The following AUTS2 variants were observed in gnomAD, a reference collection of about 807,000 sequenced individuals.
AUTS2 encodes the protein autism susceptibility gene 2 protein.
In AUTS2, 17 loss-of-function variants were observed where a neutral mutation model predicts 112.4. The observed-to-expected ratio is 0.15, with a 90% CI of 0.10 to 0.23. AUTS2 has a LOEUF of 0.23. AUTS2 is among the 10% of genes least tolerant of loss of function. The probability of loss-of-function intolerance (pLI) is 1.00; values close to 1 mark genes in which losing one functional copy is unlikely to be tolerated. For synonymous variants in AUTS2, 751 were observed against 702.7 expected (o/e 1.07, Z -1.09); for missense variants, 1,510 against 1,701.6 (o/e 0.89, Z 1.98).
intron 1 of AUTS2, among the ~76,000 whole-genome samples, chr7:69,774,367 T>C (rs1260697170): frequency 6.6e-6 from 1 of 152,172 alleles, no homozygotes; most frequent in Admixed American, 6.5e-5. Flanking sequence ...GCCACTGTAC[T>C]CCAGCCTGGG....
At chr7:70,695,270 C>T (rs1809019672) in intron 5 of AUTS2, among the ~76,000 whole-genome samples, 1 of 152,172 alleles carries the variant, frequency 6.6e-6, no homozygotes, top group Non-Finnish European at 1.5e-5. Flanking sequence ...CCTCCCTCGG[C>T]CGGCCGGGCT....
At chr7:70,600,558 G>A (rs1319615153) in intron 5 of AUTS2, among the ~76,000 whole-genome samples, 4 of 152,294 alleles carry the variant, frequency 2.6e-5, no homozygotes, top group African/African-American at 7.2e-5. Flanking sequence ...TTACAGGCAC[G>A]GGCCACCGCG....
At chr7:70,473,516 G>A (rs931590886) in intron 5 of AUTS2, among the ~76,000 whole-genome samples, 4 of 152,054 alleles carry the variant, frequency 2.6e-5, no homozygotes, top group Admixed American at 1.3e-4. Context: ...GTGATATTTC[G>A]TTTTGATTTT....
intron 1 of AUTS2, among the ~76,000 whole-genome samples, chr7:69,884,829 CA>C (rs1443979038): frequency 2.0e-5 from 3 of 152,224 alleles, no homozygotes; most frequent in Non-Finnish European, 4.4e-5. Flanking sequence ...TTTCTTGCCT[CA>C]ACCGTAATTG....
intron 6 of AUTS2, among the ~76,000 whole-genome samples, chr7:70,757,807 C>CTTTT (rs3974412): frequency 0.036 from 2,182 of 60,058 alleles, 92 homozygotes; most frequent in East Asian, 0.041. Context: ...TCCATGGCTT[C>CTTTT]TTTTTTTTTT....
At chr7:69,688,456 C>T (rs1797157339) in intron 1 of AUTS2, among the ~76,000 whole-genome samples, 1 of 152,126 alleles carries the variant, frequency 6.6e-6, no homozygotes, top group Admixed American at 6.6e-5. Context: ...ATATATTCTG[C>T]CCTTGGGAAG....
intron 5 of AUTS2, among the ~76,000 whole-genome samples, chr7:70,589,695 T>C (rs1052875649): frequency 1.3e-5 from 2 of 152,086 alleles, no homozygotes; most frequent in African/African-American, 2.4e-5. Context: ...GCCTGGGTGA[T>C]AGAATGAAAC....
At chr7:70,520,978 T>C (rs937627818) in intron 5 of AUTS2, among the ~76,000 whole-genome samples, 1 of 152,170 alleles carries the variant, frequency 6.6e-6, no homozygotes, top group African/African-American at 2.4e-5. Flanking sequence ...TTGCATTGGT[T>C]CATATTCTTT....
intron 5 of AUTS2, among the ~76,000 whole-genome samples, chr7:70,635,094 A>G (rs777288041): frequency 3.9e-5 from 6 of 152,160 alleles, no homozygotes; most frequent in Non-Finnish European, 8.8e-5. Context: ...CGAGTGCCTT[A>G]TGAATTCCAC....
At chr7:70,360,177 G>C (rs12698900) in intron 4 of AUTS2, among the ~76,000 whole-genome samples, 12,737 of 152,196 alleles carry the variant, frequency 0.084, 647 homozygotes, top group Admixed American at 0.13. Context: ...ACCCAGGCTG[G>C]AGTGCAGTGG....
intron 5 of AUTS2, among the ~76,000 whole-genome samples, chr7:70,634,228 TAGG>T (rs2129538945): frequency 1.3e-5 from 2 of 152,104 alleles, no homozygotes; most frequent in South Asian, 4.2e-4. Context: ...CCATTTGAAA[TAGG>T]AGGACAGGAG....
In AUTS2 at chr7:70,484,824, C is replaced by T. The variant is rs1797922308; in HGVS notation, c.690+49043C>T. 2.0e-5 allele frequency among the ~76,000 whole-genome samples: 3 copies of T among 152,140 alleles called. No homozygotes were observed. In the South Asian group the frequency reaches 6.2e-4, roughly 32 times the overall value. ...CAAACGTTTGTCAAAAGAAGTACCT[C>T]TGGACATAGACAGTTCTCAAAAAAG... On this transcript the variant is annotated intron_variant, in intron 5 of 18. Coordinates refer to ENST00000342771, the MANE Select transcript of AUTS2 (RefSeq NM_015570.4).
chr7:70,105,573 A>G (rs1222294627), intron 2 of AUTS2, among the ~76,000 whole-genome samples: 1 of 152,156 alleles, frequency 6.6e-6, no homozygotes, highest in Non-Finnish European at 1.5e-5. Flanking sequence ...TGTTTTATGT[A>G]GTGGGCATAT....
chr7:69,813,474 T>C (rs984210946), intron 1 of AUTS2, among the ~76,000 whole-genome samples: 1 of 152,188 alleles, frequency 6.6e-6, no homozygotes, highest in Admixed American at 6.5e-5. Context: ...TGCCCCCCAT[T>C]GGATAGATGG....
intron 4 of AUTS2, among the ~76,000 whole-genome samples, chr7:70,318,450 G>A (rs144519255): frequency 3.5e-4 from 53 of 151,870 alleles, no homozygotes; most frequent in African/African-American, 1.2e-3. Context: ...ACAGTATAGC[G>A]GCCCACCGAT....
At chr7:69,792,651 C>T (rs560471369) in intron 1 of AUTS2, among the ~76,000 whole-genome samples, 19 of 152,260 alleles carry the variant, frequency 1.2e-4, no homozygotes, top group African/African-American at 3.8e-4. Context: ...TTTGATACAG[C>T]AGTGCAGAGT....
intron 6 of AUTS2, among the ~76,000 whole-genome samples, chr7:70,761,577 A>G (rs1390407140): frequency 6.6e-6 from 1 of 152,242 alleles, no homozygotes; most frequent in Non-Finnish European, 1.5e-5. Context: ...ATACAAAAGT[A>G]CTTACTCCCA....
At chr7:69,743,092 G>T (rs1398791802) in intron 1 of AUTS2, among the ~76,000 whole-genome samples, 1 of 152,176 alleles carries the variant, frequency 6.6e-6, no homozygotes, top group Non-Finnish European at 1.5e-5. Flanking sequence ...CCAGTACTTT[G>T]CTACTTGTAA....
chr7:69,754,950 C>A (rs1787887755), intron 1 of AUTS2, among the ~76,000 whole-genome samples: 1 of 152,194 alleles, frequency 6.6e-6, no homozygotes, highest in Non-Finnish European at 1.5e-5. Flanking sequence ...CAGGACACAG[C>A]CTCATGTAGT....
Sources: allele counts gnomAD v4.1 joint callset (sites outside exome capture counted in the v4.1 genomes callset), GRCh38; gene constraint gnomAD v4.1.1; transcripts MANE v1.5; gene names NCBI Gene and HGNC (gene_info 2026-07-23, HGNC 2026-07-21).